ERBB4: variants seen among roughly 807,000 people sequenced by gnomAD.
The protein encoded by ERBB4 is erb-b2 receptor tyrosine kinase 4.
In ERBB4, 42 loss-of-function variants were observed where a neutral mutation model predicts 158.0. The ratio of observed to expected loss-of-function variants is 0.27; its 90% CI spans 0.21 to 0.34. ERBB4 has a LOEUF of 0.34. Ranked by LOEUF, ERBB4 falls within the 10% of genes least tolerant of loss-of-function variation. ERBB4 has a pLI of 1.00. For synonymous variants in ERBB4, 583 were observed against 558.7 expected, an observed-to-expected ratio of 1.04 and a Z score of -0.61; for missense variants, 1,333 against 1,624.1, an observed-to-expected ratio of 0.82 and a Z score of 3.08.
chr2:212,104,984 G>T (rs1382377163), intron 2 of ERBB4, among the ~76,000 whole-genome samples: 2 of 152,044 alleles, frequency 1.3e-5, no homozygotes, highest in East Asian at 3.9e-4. Flanking sequence ...CAAATAAGTA[G>T]AATTCATCAG....
In ERBB4 at chr2:211,764,260, T is replaced by A. The variant is rs1327915606; in HGVS notation, c.557-13556A>T. The stretch of plus-strand genomic sequence containing the variant: ...GATCTGGAAATTGAGTTATTATTTA[T>A]AGAAAAAAGATAAATGATTTGCAAA... On this transcript the variant is annotated intron_variant, in intron 4 of 27. Coordinates refer to ENST00000342788, the MANE Select transcript of ERBB4 (RefSeq NM_005235.3). Among the ~76,000 whole-genome samples the A allele has an allele frequency of 2.6e-5, 4 of 152,224 alleles. No individual in the cohort carries two copies. The South Asian group carries it at 8.3e-4, about 31-fold the overall frequency.
chr2:212,418,547 ATATG>A (rs1307715357), intron 1 of ERBB4, among the ~76,000 whole-genome samples: 1 of 150,834 alleles, frequency 6.6e-6, no homozygotes, highest in African/African-American at 2.4e-5. Flanking sequence ...ATATATATAT[ATATG>A]TATATTTGAA....
At chr2:211,584,146 C>T (rs1401759207) in intron 19 of ERBB4, among the ~76,000 whole-genome samples, 1 of 151,364 alleles carries the variant, frequency 6.6e-6, no homozygotes, top group Non-Finnish European at 1.5e-5. Context: ...TTTCAACATA[C>T]ATATCTTGCA....
intron 20 of ERBB4, among the ~76,000 whole-genome samples, chr2:211,446,471 T>A (rs946348587): frequency 6.6e-6 from 1 of 152,232 alleles, no homozygotes; most frequent in Admixed American, 6.5e-5. Flanking sequence ...GTGTCATGTA[T>A]ATGAGTTTTA....
chr2:212,374,593 T>C (rs2090256021), intron 1 of ERBB4, among the ~76,000 whole-genome samples: 1 of 151,860 alleles, frequency 6.6e-6, no homozygotes, highest in East Asian at 1.9e-4. Context: ...TGAGTCAGTC[T>C]AACTGAAAAT....
chr2:212,035,910 T>C (rs2125359564), intron 2 of ERBB4, among the ~76,000 whole-genome samples: 1 of 152,324 alleles, frequency 6.6e-6, no homozygotes, highest in African/African-American at 2.4e-5. Context: ...TAAACTTGAT[T>C]ACTCCTATGC....
chr2:211,440,201 A>G (rs929295396), intron 20 of ERBB4, among the ~76,000 whole-genome samples: 4 of 152,162 alleles, frequency 2.6e-5, no homozygotes, highest in Non-Finnish European at 5.9e-5. Flanking sequence ...TCTCTTGCCA[A>G]TATGGTTACA....
intron 2 of ERBB4, among the ~76,000 whole-genome samples, chr2:212,086,378 A>G (rs1007474502): frequency 7.2e-5 from 11 of 151,778 alleles, no homozygotes; most frequent in African/African-American, 2.4e-4. Flanking sequence ...AAAAGAAAAA[A>G]TATCTTTGGA....
chr2:212,237,749 C>A (rs2083931235), intron 1 of ERBB4, among the ~76,000 whole-genome samples: 1 of 152,258 alleles, frequency 6.6e-6, no homozygotes, highest in Non-Finnish European at 1.5e-5. Context: ...ACTGTGGCTA[C>A]TGCCTTTCTT....
chr2:212,087,067 A>G (rs1383265601), intron 2 of ERBB4, among the ~76,000 whole-genome samples: 1 of 151,962 alleles, frequency 6.6e-6, no homozygotes, highest in Non-Finnish European at 1.5e-5. Flanking sequence ...ATGCAGAGAA[A>G]GGGAGCTTAA....
At chr2:211,810,662 C>CT (rs59305629) in intron 3 of ERBB4, among the ~76,000 whole-genome samples, 76,123 of 101,166 alleles carry the variant, frequency 0.75, 30,094 homozygotes, top group East Asian at 0.84. Context: ...CAGTCTCTGT[C>CT]TTTTTTTTTT....
At chr2:212,315,963 T>C (rs1441761320) in intron 1 of ERBB4, among the ~76,000 whole-genome samples, 1 of 151,464 alleles carries the variant, frequency 6.6e-6, no homozygotes, top group Non-Finnish European at 1.5e-5. Flanking sequence ...AATCTATTAA[T>C]AGATATATCT....
chr2:212,189,347 C>T (rs1396365185), intron 1 of ERBB4, among the ~76,000 whole-genome samples: 2 of 152,146 alleles, frequency 1.3e-5, no homozygotes, highest in Admixed American at 6.5e-5. Flanking sequence ...ATTCAGATAT[C>T]TACTGTTGTC....
chr2:212,057,216 A>T (rs1365871740), intron 2 of ERBB4, among the ~76,000 whole-genome samples: 1 of 152,234 alleles, frequency 6.6e-6, no homozygotes, highest in East Asian at 1.9e-4. Flanking sequence ...GATCAATTCA[A>T]CAAGAAGAGC....
intron 1 of ERBB4, among the ~76,000 whole-genome samples, chr2:212,277,399 C>T (rs929712205): frequency 9.2e-5 from 14 of 151,466 alleles, no homozygotes; most frequent in African/African-American, 1.9e-4. Context: ...GCAACCACAA[C>T]GGATTCTACA....
chr2:212,133,471 C>T (rs1367486308), intron 1 of ERBB4, among the ~76,000 whole-genome samples: 2 of 148,918 alleles, frequency 1.3e-5, no homozygotes, highest in Non-Finnish European at 3.0e-5. Flanking sequence ...GCAAGTTTAC[C>T]TTTTTATGAT....
intron 1 of ERBB4, among the ~76,000 whole-genome samples, chr2:212,296,727 G>A (rs2086426723): frequency 6.6e-6 from 1 of 151,946 alleles, no homozygotes; most frequent in Admixed American, 6.6e-5. Context: ...GAGAAGTTTG[G>A]AGAGCAAGAA....
intron 1 of ERBB4, among the ~76,000 whole-genome samples, chr2:212,291,828 A>C (rs1201801882): frequency 2.0e-5 from 3 of 152,040 alleles, no homozygotes; most frequent in Admixed American, 2.0e-4. Context: ...TAACATCTTA[A>C]ATGTTGCAGG....
chr2:211,733,398 G>A (rs1348024895), intron 5 of ERBB4, among the ~76,000 whole-genome samples: 1 of 152,176 alleles, frequency 6.6e-6, no homozygotes, highest in Non-Finnish European at 1.5e-5. Flanking sequence ...TCACAGGCCT[G>A]TAGATATTGA....
Sources: allele counts gnomAD v4.1 joint callset (sites outside exome capture counted in the v4.1 genomes callset), GRCh38; gene constraint gnomAD v4.1.1; transcripts MANE v1.5; gene names NCBI Gene and HGNC (gene_info 2026-07-23, HGNC 2026-07-21).